The following PDGFC variants were observed in gnomAD, a reference collection of about 807,000 sequenced individuals.
PDGFC encodes the protein platelet-derived growth factor C.
A neutral mutation model predicts 35.5 loss-of-function variants in PDGFC; 12 were observed. The observed-to-expected ratio is 0.34, with a 90% CI of 0.22 to 0.55. PDGFC has a LOEUF of 0.55. PDGFC is among the 20% of genes least tolerant of loss of function. The pLI, the probability that PDGFC is intolerant of heterozygous loss-of-function variation, is 0.91. For missense variants in PDGFC, 322 were observed against 412.4 expected (o/e 0.78, Z 1.90); for synonymous variants, 159 against 148.8 (o/e 1.07, Z -0.50).
At chr4:156,924,270 G>C (rs1731355349) in intron 1 of PDGFC, among the ~76,000 whole-genome samples, 1 of 152,110 alleles carries the variant, frequency 6.6e-6, no homozygotes, top group Admixed American at 6.6e-5. Context: ...TTGAAATCAG[G>C]TCCTTTTATT....
chr4:156,826,601 A>C (rs1728761501), intron 2 of PDGFC, among the ~76,000 whole-genome samples: 1 of 152,214 alleles, frequency 6.6e-6, no homozygotes, highest in Non-Finnish European at 1.5e-5. Flanking sequence ...TAAAGGATTT[A>C]CTATAGGTTA....
chr4:156,892,451 AT>A (rs1195436498), intron 1 of PDGFC, among the ~76,000 whole-genome samples: 4 of 152,026 alleles, frequency 2.6e-5, no homozygotes, highest in Admixed American at 1.3e-4. Flanking sequence ...TTTAATTATT[AT>A]TTTTTTCATT....
At chr4:156,840,597 C>T (rs375836098) in intron 2 of PDGFC, among the ~76,000 whole-genome samples, 69 of 152,276 alleles carry the variant, frequency 4.5e-4, no homozygotes, top group African/African-American at 1.5e-3. Flanking sequence ...CCTAGTGGAG[C>T]TGTGAGAAGA....
At chr4:156,935,706 T>A (rs1207832298) in intron 1 of PDGFC, among the ~76,000 whole-genome samples, 2 of 152,218 alleles carry the variant, frequency 1.3e-5, no homozygotes, top group Non-Finnish European at 2.9e-5. Context: ...CTGACGAATA[T>A]GTTGTGACCA....
chr4:156,782,203 G>A (rs551593041), intron 3 of PDGFC, among the ~76,000 whole-genome samples: 3 of 152,240 alleles, frequency 2.0e-5, no homozygotes, highest in African/African-American at 7.2e-5. Context: ...TTATGGCTAC[G>A]AATACCTCTG....
chr4:156,855,475 C>T (rs902603802), intron 1 of PDGFC, among the ~76,000 whole-genome samples: 1 of 152,190 alleles, frequency 6.6e-6, no homozygotes, highest in Non-Finnish European at 1.5e-5. Flanking sequence ...GTGGATTCTG[C>T]TCCTCTGTTT....
chr4:156,932,143 C>T (rs1261820652), intron 1 of PDGFC, among the ~76,000 whole-genome samples: 1 of 152,142 alleles, frequency 6.6e-6, no homozygotes, highest in Non-Finnish European at 1.5e-5. Flanking sequence ...AATTCACCTT[C>T]ACATTTCCTA....
Position 156,948,675 on chromosome 4 carries a change from G to A in PDGFC, c.118+22111C>T, listed in dbSNP as rs184462753. On this transcript the variant is annotated intron_variant, in intron 1 of 5. Transcript: ENST00000502773. The stretch of plus-strand genomic sequence containing the variant: ...GGAAAATACTATGTATTTTAGAAAG[G>A]AAAGTACCAACACCCCCACCGCTGC... 1.8e-3 allele frequency among the ~76,000 whole-genome samples: 273 copies of A among 152,056 alleles called. 4 individuals are homozygous for A. The highest frequency in any genetic ancestry group is 4.0e-4 in the Non-Finnish European group (27 of 67,938).
At position 156,762,953 on chromosome 4, in the gene PDGFC, T is replaced by G. The variant is rs1184547752; in HGVS notation, c.*137A>C. 3 of 578,268 alleles carry G rather than the reference T, an allele frequency of 5.2e-6. No individual in the cohort carries two copies. In the South Asian group the frequency reaches 7.1e-5, roughly 14 times the overall value. 35.8% of individuals were successfully genotyped at this position (578,268 alleles called of 1,614,324 possible). ...CTGTTTGATGTCTCCTCTTTCAGAA[T>G]GCACTGTAAATCCTGAAGATGAAAG... On this transcript the variant is annotated 3_prime_UTR_variant, in exon 6 of 6. Transcript: ENST00000502773.
At chr4:156,864,977 T>C (rs1427703018) in intron 1 of PDGFC, among the ~76,000 whole-genome samples, 1 of 152,044 alleles carries the variant, frequency 6.6e-6, no homozygotes. Flanking sequence ...ATCAGAAAAT[T>C]ATATATCTGT....
intron 4 of PDGFC, among the ~76,000 whole-genome samples, chr4:156,770,933 T>C (rs1426574644): frequency 6.6e-6 from 1 of 152,160 alleles, no homozygotes; most frequent in Admixed American, 6.6e-5. Context: ...TAGAAGCTTT[T>C]AAAAGTTTGA....
chr4:156,855,989 A>G (rs1334180598), intron 1 of PDGFC, among the ~76,000 whole-genome samples: 1 of 152,122 alleles, frequency 6.6e-6, no homozygotes, highest in Non-Finnish European at 1.5e-5. Context: ...CTCTCCATCA[A>G]TTGCAAACTA....
chr4:156,871,671 A>G (rs1729987040), intron 1 of PDGFC, among the ~76,000 whole-genome samples: 2 of 152,116 alleles, frequency 1.3e-5, no homozygotes, highest in Admixed American at 1.3e-4. Flanking sequence ...TATTAAGAAG[A>G]CTATATTGCT....
At chr4:156,763,751 G>A (rs1032099559) in intron 5 of PDGFC, among the ~76,000 whole-genome samples, 5 of 152,202 alleles carry the variant, frequency 3.3e-5, no homozygotes, top group Non-Finnish European at 5.9e-5. Context: ...TTGATGAGAT[G>A]GATTAGATGT....
rs1035531376 is a variant in PDGFC at position 156,765,551 on chromosome 4, C to A, written c.921+2222G>T. Among the ~76,000 whole-genome samples, 3 of 152,082 alleles carry A rather than the reference C, an allele frequency of 2.0e-5. 1 individual carries two copies. The South Asian group carries it at 6.2e-4, about 32-fold the overall frequency. ...ACAGGGATTCAGCACTAGAATCAGG[C>A]AACTGAATGCTACAGATTTTTAGGT... is the stretch of plus-strand genomic sequence containing the variant. On this transcript the variant is annotated intron_variant, in intron 5 of 5. Coordinates refer to ENST00000502773, the MANE Select transcript of PDGFC (RefSeq NM_016205.3).
intron 1 of PDGFC, among the ~76,000 whole-genome samples, chr4:156,939,121 G>A (rs546972481): frequency 2.6e-4 from 39 of 151,998 alleles, no homozygotes; most frequent in African/African-American, 8.9e-4. Flanking sequence ...AATAAAGGCT[G>A]GGCCTCTATT....
At chr4:156,883,354 G>A (rs1048079213) in intron 1 of PDGFC, among the ~76,000 whole-genome samples, 2 of 152,102 alleles carry the variant, frequency 1.3e-5, no homozygotes, top group Non-Finnish European at 2.9e-5. Flanking sequence ...TTGGATTAAA[G>A]TCATTGGGTT....
intron 1 of PDGFC, among the ~76,000 whole-genome samples, chr4:156,960,641 C>T (rs1489341793): frequency 1.3e-5 from 2 of 151,918 alleles, no homozygotes; most frequent in East Asian, 3.9e-4. Context: ...AAAATTAACG[C>T]ATTTCCAGCA....
At chr4:156,914,475 T>C (rs892732364) in intron 1 of PDGFC, among the ~76,000 whole-genome samples, 1 of 152,210 alleles carries the variant, frequency 6.6e-6, no homozygotes, top group Non-Finnish European at 1.5e-5. Flanking sequence ...AGGTTCTGGA[T>C]ATTCTGTTAC....
Sources: allele counts gnomAD v4.1 joint callset (sites outside exome capture counted in the v4.1 genomes callset), GRCh38; gene constraint gnomAD v4.1.1; transcripts MANE v1.5; gene names NCBI Gene and HGNC (gene_info 2026-07-23, HGNC 2026-07-21).